DOCK2: variants seen among roughly 807,000 people sequenced by gnomAD.
The protein encoded by DOCK2 is dedicator of cytokinesis 2, also known as dedicator of cytokinesis protein 2.
A neutral mutation model predicts 248.9 loss-of-function variants in DOCK2; 87 were observed. That is an observed-to-expected ratio of 0.35 (90% CI 0.29 to 0.42). The LOEUF is 0.42. Ranked by LOEUF, DOCK2 falls within the 10% of genes least tolerant of loss-of-function variation. DOCK2 has a pLI of 1.00. For missense variants in DOCK2, 1,747 were observed against 2,300.2 expected (o/e 0.76, Z 4.92); for synonymous variants, 805 against 821.6 (o/e 0.98, Z 0.35).
intron 23 of DOCK2, among the ~76,000 whole-genome samples, chr5:169,748,715 T>C (rs1561660084): frequency 6.6e-6 from 1 of 152,168 alleles, no homozygotes; most frequent in Non-Finnish European, 1.5e-5. Flanking sequence ...GTTAGGAACA[T>C]AAATACCCTC....
Position 169,644,333 on chromosome 5 carries a change from A to C in DOCK2, c.43+6964A>C, listed in dbSNP as rs538842613. Among the ~76,000 whole-genome samples, 4 of 152,316 alleles carry C rather than the reference A, an allele frequency of 2.6e-5. No homozygotes were observed. In the South Asian group the frequency reaches 8.3e-4, roughly 32 times the overall value. ...AGTTAGGCAGCAACAGTGATAACTC[A>C]GGCCAAGAGATGGCGGTGGCTTGCA... is the stretch of plus-strand genomic sequence containing the variant. On this transcript the variant is annotated intron_variant, in intron 1 of 51. Coordinates refer to ENST00000520908, the MANE Select transcript of DOCK2 (RefSeq NM_004946.3).
chr5:169,790,987 C>T (rs1766302499), intron 25 of DOCK2, among the ~76,000 whole-genome samples: 1 of 152,204 alleles, frequency 6.6e-6, no homozygotes, highest in Non-Finnish European at 1.5e-5. Context: ...TCTCCTTCTA[C>T]ACCTCCCATC....
At position 170,057,681 on chromosome 5, in the gene DOCK2, T is replaced by C. The variant is rs1360337547; in HGVS notation, c.4467+15T>C. ...ACATGTCGCAGGTGAGTCTGGGACA[T>C]TCGTGGCAGGGCCACCCTTCCTCCG... On this transcript the variant is annotated intron_variant, in intron 44 of 51. Coordinates refer to ENST00000520908, the MANE Select transcript of DOCK2 (RefSeq NM_004946.3). 1.3e-6 allele frequency: 2 copies of C among 1,591,074 alleles called. No homozygotes were observed. Among genetic ancestry groups the C allele is most frequent in the Non-Finnish European group, 1.7e-6 (2 of 1,166,596 alleles).
At chr5:169,819,357 A>C (rs1030019799) in intron 26 of DOCK2, among the ~76,000 whole-genome samples, 1 of 152,218 alleles carries the variant, frequency 6.6e-6, no homozygotes, top group Admixed American at 6.5e-5. Context: ...AGAGTGGCTC[A>C]CGCCTTTAAT....
At chr5:169,938,025 T>C (rs1581444839) in intron 27 of DOCK2, among the ~76,000 whole-genome samples, 1 of 152,216 alleles carries the variant, frequency 6.6e-6, no homozygotes, top group Non-Finnish European at 1.5e-5. Flanking sequence ...TCAGAAATCC[T>C]GGGAGCCATT....
chr5:169,879,002 G>T (rs879593972), intron 27 of DOCK2, among the ~76,000 whole-genome samples: 1 of 152,206 alleles, frequency 6.6e-6, no homozygotes, highest in African/African-American at 2.4e-5. Flanking sequence ...GAGAGCCAAG[G>T]AGGCTTAGGG....
At chr5:169,728,386 A>G (rs1214587066) in intron 22 of DOCK2, among the ~76,000 whole-genome samples, 1 of 152,096 alleles carries the variant, frequency 6.6e-6, no homozygotes, top group Admixed American at 6.6e-5. Flanking sequence ...ATACTATAAA[A>G]CTCAGAATGA....
intron 27 of DOCK2, among the ~76,000 whole-genome samples, chr5:169,936,714 CTA>C (rs1776018899): frequency 6.6e-6 from 1 of 151,700 alleles, no homozygotes; most frequent in African/African-American, 2.4e-5. Context: ...GCGCTCCAGC[CTA>C]TATAGATTTG....
At chr5:169,987,573 C>T (rs373518297) in intron 29 of DOCK2, among the ~76,000 whole-genome samples, 69 of 152,348 alleles carry the variant, frequency 4.5e-4, no homozygotes, top group African/African-American at 1.4e-3. Context: ...GCTGTCCACA[C>T]GGTCCTTCTG....
At chr5:169,845,205 C>T (rs1770233149) in intron 27 of DOCK2, among the ~76,000 whole-genome samples, 1 of 150,330 alleles carries the variant, frequency 6.7e-6, no homozygotes, top group African/African-American at 2.5e-5. Context: ...ACCTGCCTGC[C>T]ACTTCCATTC....
chr5:169,713,434 C>T (rs1284048036), intron 17 of DOCK2, among the ~76,000 whole-genome samples: 3 of 152,142 alleles, frequency 2.0e-5, no homozygotes, highest in Non-Finnish European at 4.4e-5. Flanking sequence ...TTCATTTTAA[C>T]ATGCCACTCA....
intron 27 of DOCK2, among the ~76,000 whole-genome samples, chr5:169,963,710 T>C (rs1408673092): frequency 6.6e-6 from 1 of 152,148 alleles, no homozygotes; most frequent in African/African-American, 2.4e-5. Flanking sequence ...CCTCAGTTTC[T>C]GCCTCTTCCT....
At chr5:169,917,415 G>C (rs1425972767) in intron 27 of DOCK2, among the ~76,000 whole-genome samples, 1 of 152,142 alleles carries the variant, frequency 6.6e-6, no homozygotes. Context: ...AGGGATTCTA[G>C]AGTTTCCTTT....
At chr5:169,988,084 C>A (rs560974795) in intron 29 of DOCK2, among the ~76,000 whole-genome samples, 20 of 152,142 alleles carry the variant, frequency 1.3e-4, no homozygotes, top group African/African-American at 4.8e-4. Context: ...TAGGTGATGA[C>A]AACAAACTTA....
At chr5:169,820,227 CT>C (rs1263583112) in intron 26 of DOCK2, among the ~76,000 whole-genome samples, 2 of 152,242 alleles carry the variant, frequency 1.3e-5, no homozygotes, top group African/African-American at 2.4e-5. Context: ...CAGCAGAAAC[CT>C]CTGCAGACTT....
chr5:169,658,633 T>C (rs985372870), intron 2 of DOCK2, among the ~76,000 whole-genome samples: 4 of 152,110 alleles, frequency 2.6e-5, no homozygotes, highest in African/African-American at 9.7e-5. Context: ...ATGATATTAA[T>C]AGTGTTTTTC....
At position 169,824,533 on chromosome 5, in the gene DOCK2, T is replaced by C. The variant is rs576768122; in HGVS notation, c.2704-16224T>C. Among the ~76,000 whole-genome samples, 6 of 152,336 alleles carry C rather than the reference T, an allele frequency of 3.9e-5. No homozygotes were observed. In the South Asian group the frequency reaches 1.2e-3, roughly 32 times the overall value. On this transcript the variant is annotated intron_variant, in intron 26 of 51. Transcript: ENST00000520908. ...AACAAGCAATGGGGAAAGGATTCCCTATTTAATAAATGGTGCTGGGAAAAC... is the reference window on the plus strand; with the variant it reads ...AACAAGCAATGGGGAAAGGATTCCCCATTTAATAAATGGTGCTGGGAAAAC...
chr5:170,032,119 C>T (rs923894055), intron 34 of DOCK2, among the ~76,000 whole-genome samples: 8 of 151,968 alleles, frequency 5.3e-5, no homozygotes, highest in African/African-American at 1.2e-4. Context: ...CTCCACCTCC[C>T]GGGTTCACAC....
intron 38 of DOCK2, among the ~76,000 whole-genome samples, chr5:170,043,316 G>A (rs1581551428): frequency 6.6e-6 from 1 of 152,314 alleles, no homozygotes; most frequent in Middle Eastern, 3.4e-3. Flanking sequence ...AAAATAGAGT[G>A]AGAAAATGCA....
Sources: allele counts gnomAD v4.1 joint callset (sites outside exome capture counted in the v4.1 genomes callset), GRCh38; gene constraint gnomAD v4.1.1; transcripts MANE v1.5; gene names NCBI Gene and HGNC (gene_info 2026-07-23, HGNC 2026-07-21).